The following NR2F1-AS1 variants were observed in gnomAD, a reference collection of about 807,000 sequenced individuals.
NR2F1-AS1 encodes the protein NR2F1 antisense RNA 1.
intron 4 of NR2F1-AS1, among the ~76,000 whole-genome samples, chr5:93,416,684 T>C (rs1748974677): frequency 6.6e-6 from 1 of 152,166 alleles, no homozygotes; most frequent in Non-Finnish European, 1.5e-5. Context: ...AGATGTTAAC[T>C]TTCCTAGGGC....
intron 4 of NR2F1-AS1, among the ~76,000 whole-genome samples, chr5:93,538,918 C>T (rs996563243): frequency 6.6e-6 from 1 of 152,014 alleles, no homozygotes; most frequent in African/African-American, 2.4e-5. Context: ...AGTCAGTTTC[C>T]AAGAACTTAT....
At chr5:93,503,286 T>TA (rs1308140402) in intron 4 of NR2F1-AS1, among the ~76,000 whole-genome samples, 1 of 152,102 alleles carries the variant, frequency 6.6e-6, no homozygotes, top group Non-Finnish European at 1.5e-5. Flanking sequence ...AAAAGAACTG[T>TA]AAAAAAATTG....
intron 4 of NR2F1-AS1, among the ~76,000 whole-genome samples, chr5:93,469,589 T>C (rs952251316): frequency 1.3e-5 from 2 of 152,102 alleles, no homozygotes; most frequent in African/African-American, 4.8e-5. Flanking sequence ...ATCTAGTTTG[T>C]AAGTTTTCTT....
chr5:93,555,486 C>A (rs1324285988), intron 2 of NR2F1-AS1, among the ~76,000 whole-genome samples: 1 of 152,074 alleles, frequency 6.6e-6, no homozygotes, highest in Non-Finnish European at 1.5e-5. Context: ...AAGACAAAGG[C>A]AGGAGAAAGA....
upstream of NR2F1-AS1, chr5:93,584,918 T>TCCCCCTC (rs1260445676): frequency 5.3e-5 from 1 of 18,920 alleles, no homozygotes; most frequent in African/African-American, 2.1e-4. Flanking sequence ...CCCCGCCCCC[T>TCCCCCTC]CCCCCTCCCC....
At chr5:93,451,559 C>T (rs984397240) in intron 4 of NR2F1-AS1, among the ~76,000 whole-genome samples, 9 of 152,006 alleles carry the variant, frequency 5.9e-5, no homozygotes, top group South Asian at 2.1e-4. Context: ...TGTACCACCA[C>T]GCCTGGCTTA....
At chr5:93,555,625 G>C (rs1477435610) in intron 2 of NR2F1-AS1, among the ~76,000 whole-genome samples, 1 of 152,172 alleles carries the variant, frequency 6.6e-6, no homozygotes, top group Non-Finnish European at 1.5e-5. Flanking sequence ...GAACAAGACT[G>C]AAGGCAATGG....
intron 4 of NR2F1-AS1, among the ~76,000 whole-genome samples, chr5:93,495,831 T>C (rs973195203): frequency 4.6e-5 from 7 of 152,224 alleles, no homozygotes; most frequent in African/African-American, 1.4e-4. Flanking sequence ...ACATCACTAG[T>C]TATCGCTTAT....
rs1180959117 is a variant in NR2F1-AS1 at position 93,507,315 on chromosome 5, T to C, written n.638+46446A>G. On this transcript the variant is annotated intron_variant and non_coding_transcript_variant, in intron 4 of 5. Transcript: ENST00000660523. ...ATACAGGAAATCCTAACCAGTTTTTTGGGATTTGGGGTTTTTTTTGTTTTG... is the reference window on the plus strand; with the variant it reads ...ATACAGGAAATCCTAACCAGTTTTTCGGGATTTGGGGTTTTTTTTGTTTTG... 2.0e-5 allele frequency among the ~76,000 whole-genome samples: 3 copies of C among 148,616 alleles called. No homozygotes were observed. In the East Asian group the frequency reaches 6.1e-4, roughly 30 times the overall value.
chr5:93,496,036 T>A (rs1258195954), intron 4 of NR2F1-AS1: 1 of 152,132 alleles, frequency 6.6e-6, no homozygotes, highest in Admixed American at 6.6e-5. Flanking sequence ...GATGTAATAT[T>A]AGAAGGAAAA....
At chr5:93,569,978 A>T (rs1462582962) in intron 1 of NR2F1-AS1, 1 of 152,206 alleles carries the variant, frequency 6.6e-6, no homozygotes, top group African/African-American at 2.4e-5. Context: ...GGAGGATGGT[A>T]GTATTTCCGT....
At chr5:93,474,040 T>C (rs1380723083) in intron 4 of NR2F1-AS1, among the ~76,000 whole-genome samples, 1 of 152,110 alleles carries the variant, frequency 6.6e-6, no homozygotes, top group African/African-American at 2.4e-5. Flanking sequence ...TTACTTGATA[T>C]TATTAACCAG....
intron 4 of NR2F1-AS1, among the ~76,000 whole-genome samples, chr5:93,549,608 A>C (rs1752176503): frequency 6.6e-6 from 1 of 152,154 alleles, no homozygotes; most frequent in Admixed American, 6.6e-5. Context: ...TTCAGGCCCT[A>C]CATTCCCATG....
chr5:93,566,971 T>C (rs1752633260), intron 1 of NR2F1-AS1, among the ~76,000 whole-genome samples: 1 of 152,060 alleles, frequency 6.6e-6, no homozygotes, highest in African/African-American at 2.4e-5. Flanking sequence ...AACCTTATTA[T>C]ACAAAATGGC....
chr5:93,444,790 A>T (rs1373089587), intron 4 of NR2F1-AS1, among the ~76,000 whole-genome samples: 1 of 152,234 alleles, frequency 6.6e-6, no homozygotes, highest in East Asian at 1.9e-4. Flanking sequence ...AATTGACCAC[A>T]TAGTTGGAAG....
chr5:93,515,044 T>C (rs1301469473), intron 4 of NR2F1-AS1, among the ~76,000 whole-genome samples: 2 of 151,926 alleles, frequency 1.3e-5, no homozygotes, highest in African/African-American at 4.8e-5. Flanking sequence ...GAACTTTATT[T>C]GGCAAGCTTC....
chr5:93,532,290 A>G (rs551736475), intron 4 of NR2F1-AS1, among the ~76,000 whole-genome samples: 6 of 151,760 alleles, frequency 4.0e-5, no homozygotes, highest in Admixed American at 2.0e-4. Context: ...TGTCCCTAGG[A>G]AAAAAAAAGT....
chr5:93,506,184 C>G (rs1751181824), intron 4 of NR2F1-AS1, among the ~76,000 whole-genome samples: 1 of 152,210 alleles, frequency 6.6e-6, no homozygotes, highest in Non-Finnish European at 1.5e-5. Flanking sequence ...TAAAACGTAA[C>G]AAGAGTCACC....
chr5:93,542,435 G>C (rs191196811), intron 4 of NR2F1-AS1: 2 of 151,900 alleles, frequency 1.3e-5, no homozygotes, highest in Non-Finnish European at 1.5e-5. Context: ...CAGCATTGCC[G>C]GTCTCTCCCC....
Sources: gnomAD v4.1 joint callset for allele counts (sites outside exome capture counted in the v4.1 genomes callset) on GRCh38, gnomAD v4.1.1 for gene constraint, MANE v1.5 for transcripts, NCBI Gene and HGNC (gene_info 2026-07-23, HGNC 2026-07-21) for gene names.